Variants in TM9SF2 observed in about 807,000 individuals in gnomAD.
The protein encoded by TM9SF2 is transmembrane 9 superfamily member 2, also known as 76 kDa membrane protein.
A neutral mutation model predicts 84.9 loss-of-function variants in TM9SF2; 13 were observed. The ratio of observed to expected loss-of-function variants is 0.15; its 90% confidence interval spans 0.10 to 0.24. The LOEUF (loss-of-function observed/expected upper bound fraction) is 0.24. TM9SF2 is among the 10% of genes least tolerant of loss of function. TM9SF2 has a pLI of 1.00. For synonymous variants in TM9SF2, 273 were observed against 285.8 expected, an observed-to-expected ratio of 0.96 and a Z score of 0.45; for missense variants, 562 against 818.5, an observed-to-expected ratio of 0.69 and a Z score of 3.82.
At position 99,545,903 on chromosome 13, in the gene TM9SF2, C is replaced by T. The variant is rs555082765; in HGVS notation, c.1151-1082C>T. Among the ~76,000 whole-genome samples, 7 of 152,200 alleles carry T rather than the reference C, an allele frequency of 4.6e-5. No homozygotes were observed. In the East Asian group the frequency reaches 9.6e-4, roughly 21 times the overall value. ...AAATCTTATTAGGAGCTGTCTTCTG[C>T]GATGCTCTGGTTTTTATTGCGGTCA... On this transcript the variant is annotated intron_variant, in intron 10 of 16. Transcript: ENST00000376387.
chr13:99,522,192 TG>T, intron 3 of TM9SF2, among the ~76,000 whole-genome samples: 2 of 152,298 alleles, frequency 1.3e-5, no homozygotes, highest in African/African-American at 4.8e-5. Context: ...AGCTAATTTT[TG>T]TATTTTTCGT....
chr13:99,536,473 C>A, intron 4 of TM9SF2, 135 bp from the exon 5 acceptor site: 1 of 1,050,922 alleles, frequency 9.5e-7, no homozygotes, highest in Non-Finnish European at 1.4e-6. Flanking sequence ...ATTTCATTAA[C>A]ATTCTTTGTG....
At chr13:99,541,712 T>C (rs746237570) in intron 9 of TM9SF2, 45 bp downstream of exon 9, 5 of 1,300,560 alleles carry the variant, frequency 3.8e-6, no homozygotes, top group South Asian at 2.8e-5. Flanking sequence ...GGACACTGTT[T>C]ATTGTTATTT....
At chr13:99,541,987 T>TA (rs1168842346) in intron 9 of TM9SF2, among the ~76,000 whole-genome samples, 2 of 151,954 alleles carry the variant, frequency 1.3e-5, no homozygotes, top group African/African-American at 2.4e-5. Context: ...CCATCTCTCC[T>TA]AAAAACACAA....
intron 4 of TM9SF2, among the ~76,000 whole-genome samples, chr13:99,535,552 T>A (rs1340472257): frequency 1.3e-5 from 2 of 152,236 alleles, no homozygotes; most frequent in Non-Finnish European, 2.9e-5. Flanking sequence ...GCCTGCTGAT[T>A]ATAATAATAA....
intron 10 of TM9SF2, among the ~76,000 whole-genome samples, chr13:99,546,104 A>G (rs2046281269): frequency 6.6e-6 from 1 of 152,174 alleles, no homozygotes; most frequent in South Asian, 2.1e-4. Flanking sequence ...CATCTTCTAA[A>G]GCTACCCTGA....
At position 99,560,883 on chromosome 13, in the gene TM9SF2, A is replaced by G. The variant is rs1396995349; in HGVS notation, c.1924+1349A>G. 3.9e-5 allele frequency among the ~76,000 whole-genome samples: 6 copies of G among 151,936 alleles called. No homozygotes were observed. In the East Asian group the frequency reaches 9.7e-4, roughly 24 times the overall value. ...TTTTTAGTAGAGATGGGGTTTCACC[A>G]TGTTAGCCAGGATGGTCTCGAACCC... On this transcript the variant is annotated intron_variant, in intron 16 of 16. Coordinates refer to ENST00000376387, the MANE Select transcript of TM9SF2 (RefSeq NM_004800.3).
chr13:99,546,542 C>T (rs1017408910), intron 10 of TM9SF2, among the ~76,000 whole-genome samples: 9 of 150,926 alleles, frequency 6.0e-5, no homozygotes, highest in African/African-American at 2.2e-4. Context: ...TATGTCTCTT[C>T]TGTTTGAATG....
chr13:99,553,999 T>G (rs1387711072), intron 13 of TM9SF2, among the ~76,000 whole-genome samples: 1 of 152,214 alleles, frequency 6.6e-6, no homozygotes, highest in Non-Finnish European at 1.5e-5. Flanking sequence ...ACCTTTTTAT[T>G]AACTATTATT....
chr13:99,525,836 T>C (rs921067815), intron 3 of TM9SF2, among the ~76,000 whole-genome samples: 1 of 152,190 alleles, frequency 6.6e-6, no homozygotes, highest in Admixed American at 6.5e-5. Flanking sequence ...ATTACAGGCG[T>C]GAGCCACCGC....
chr13:99,556,877 C>T (rs1022134071), intron 15 of TM9SF2, among the ~76,000 whole-genome samples: 2 of 152,148 alleles, frequency 1.3e-5, no homozygotes, highest in African/African-American at 2.4e-5. Flanking sequence ...TGAGCCACCG[C>T]GCCTGGCCAC....
At chr13:99,550,560 C>CT (rs2046301565) in intron 12 of TM9SF2, among the ~76,000 whole-genome samples, 1 of 152,144 alleles carries the variant, frequency 6.6e-6, no homozygotes, top group South Asian at 2.1e-4. Context: ...TCATCCTACT[C>CT]TTAACAGTGG....
chr13:99,527,539 G>T (rs1009763117), intron 3 of TM9SF2, among the ~76,000 whole-genome samples: 1 of 152,106 alleles, frequency 6.6e-6, no homozygotes, highest in Non-Finnish European at 1.5e-5. Context: ...CTCCCACGAG[G>T]TCCCTCCCCC....
chr13:99,509,783 C>T (rs1189878571), intron 1 of TM9SF2, among the ~76,000 whole-genome samples: 1 of 152,216 alleles, frequency 6.6e-6, no homozygotes, highest in Non-Finnish European at 1.5e-5. Context: ...GCACTTGGCT[C>T]CCTTTTAGTT....
intron 5 of TM9SF2, among the ~76,000 whole-genome samples, chr13:99,537,134 G>T (rs545348707): frequency 6.9e-4 from 25 of 36,006 alleles, no homozygotes; most frequent in African/African-American, 1.7e-3. Flanking sequence ...TGTCTTTGAG[G>T]CCATTATTAT....
At position 99,503,976 on chromosome 13, in the gene TM9SF2, C is replaced by T. The variant is rs577653058; in HGVS notation, c.171+2199C>T. Among the ~76,000 whole-genome samples the T allele has an allele frequency of 3.9e-5, 6 of 152,318 alleles. No homozygotes were observed. The South Asian group carries it at 6.2e-4, about 16-fold the overall frequency. ...GGATTTTTATCTTTATTGCCAGCTA[C>T]ACTCACATCTGGTTAATGGAAACAA... On this transcript the variant is annotated intron_variant, in intron 1 of 16. Transcript: ENST00000376387.
rs754451572 is a variant in TM9SF2, at chr13:99,524,490, G to T, written c.333+4361G>T. On this transcript the variant is annotated intron_variant, in intron 3 of 16. Coordinates refer to ENST00000376387, the MANE Select transcript of TM9SF2 (RefSeq NM_004800.3). ...GGTAAGTGAGAGGTGTTTATTAGGTGTCCAAGCAGAGATGCTGAATAAACA... is the reference window on the plus strand; with the variant it reads ...GGTAAGTGAGAGGTGTTTATTAGGTTTCCAAGCAGAGATGCTGAATAAACA... 5.3e-5 allele frequency among the ~76,000 whole-genome samples: 8 copies of T among 152,008 alleles called. No individual in the cohort carries two copies. The South Asian group carries it at 1.4e-3, about 28-fold the overall frequency.
At chr13:99,530,163 C>T (rs913362623) in intron 4 of TM9SF2, among the ~76,000 whole-genome samples, 41 of 152,026 alleles carry the variant, frequency 2.7e-4, no homozygotes, top group Middle Eastern at 3.2e-3. Context: ...TGGTGGCTCA[C>T]GCCTGTAATC....
At chr13:99,521,513 A>G (rs1185372362) in intron 3 of TM9SF2, among the ~76,000 whole-genome samples, 1 of 152,016 alleles carries the variant, frequency 6.6e-6, no homozygotes, top group Admixed American at 6.6e-5. Flanking sequence ...ATTTTATTAC[A>G]TGGAGCACAA....
Sources: gnomAD v4.1 joint callset for allele counts (sites outside exome capture counted in the v4.1 genomes callset) on GRCh38, gnomAD v4.1.1 for gene constraint, MANE v1.5 for transcripts, NCBI Gene and HGNC (gene_info 2026-07-23, HGNC 2026-07-21) for gene names.